NRXN1: variants seen among roughly 807,000 people sequenced by gnomAD.
The protein encoded by NRXN1 is neurexin-1.
In NRXN1, 39 loss-of-function variants were observed where a neutral mutation model predicts 150.9. The observed-to-expected ratio is 0.26, with a 90% CI of 0.20 to 0.34. The LOEUF is 0.34. Among genes scored for constraint, NRXN1 ranks in the 10% least tolerant of loss-of-function variants. The pLI is 1.00. For synonymous variants in NRXN1, 924 were observed against 757.0 expected, an observed-to-expected ratio of 1.22 and a Z score of -3.62; for missense variants, 1,815 against 1,949.9, an observed-to-expected ratio of 0.93 and a Z score of 1.30.
chr2:50,037,440 G>A (rs1690213188), intron 21 of NRXN1, among the ~76,000 whole-genome samples: 1 of 151,786 alleles, frequency 6.6e-6, no homozygotes, highest in Non-Finnish European at 1.5e-5. Context: ...CTTACTCCCT[G>A]GAATAAATTG....
intron 18 of NRXN1, among the ~76,000 whole-genome samples, chr2:50,154,986 T>A (rs1240838353): frequency 6.6e-6 from 1 of 151,638 alleles, no homozygotes; most frequent in Non-Finnish European, 1.5e-5. Context: ...AATAAAAGTA[T>A]AAAATCATTC....
intron 8 of NRXN1, among the ~76,000 whole-genome samples, chr2:50,612,361 A>G (rs1678303328): frequency 6.6e-6 from 1 of 152,176 alleles, no homozygotes; most frequent in Non-Finnish European, 1.5e-5. Flanking sequence ...AATACCAGAA[A>G]TCCACCAAAA....
intron 17 of NRXN1, among the ~76,000 whole-genome samples, chr2:50,340,004 T>A (rs2077444524): frequency 6.6e-6 from 1 of 152,208 alleles, no homozygotes; most frequent in Non-Finnish European, 1.5e-5. Context: ...TGTTTGTTAG[T>A]CTTTTCCAAA....
chr2:50,521,107 G>A (rs2092776493), intron 12 of NRXN1, among the ~76,000 whole-genome samples: 1 of 152,082 alleles, frequency 6.6e-6, no homozygotes, highest in African/African-American at 2.4e-5. Flanking sequence ...AAAGCTGGTT[G>A]ATTTCTCCAT....
intron 5 of NRXN1, among the ~76,000 whole-genome samples, chr2:50,711,329 C>CTTTTT (rs765521627): frequency 5.6e-5 from 5 of 89,872 alleles, no homozygotes; most frequent in Non-Finnish European, 6.6e-5. Flanking sequence ...AGGTACTGGA[C>CTTTTT]TTTTTTTTTT....
intron 17 of NRXN1, among the ~76,000 whole-genome samples, chr2:50,379,395 G>A (rs2080778095): frequency 6.6e-6 from 1 of 152,186 alleles, no homozygotes; most frequent in South Asian, 2.1e-4. Context: ...AATAATAACA[G>A]TGAAACAGAC....
intron 17 of NRXN1, among the ~76,000 whole-genome samples, chr2:50,422,717 C>T (rs1258729833): frequency 3.3e-5 from 5 of 152,132 alleles, no homozygotes; most frequent in Non-Finnish European, 7.4e-5. Flanking sequence ...TGTGCTATTT[C>T]TCAGAGAATT....
intron 18 of NRXN1, among the ~76,000 whole-genome samples, chr2:50,107,586 T>A (rs1358423342): frequency 7.3e-6 from 1 of 137,496 alleles, no homozygotes; most frequent in Non-Finnish European, 1.6e-5. Context: ...GATACATCAA[T>A]GGATTGTAAG....
Position 50,053,437 on chromosome 2 carries a change from A to T in NRXN1, c.3962T>A (p.Val1321Glu). ...AAENDANIAIVGNVRLVGEVP... is the reference protein window; with the variant it reads ...AAENDANIAIEGNVRLVGEVP... ...TTCACCAACCAGTCTCACATTTCCC[A>T]CTATGGCGATGTTGGCATCGTTTTC... Residue 1321 changes from valine (V) to glutamate (E), a missense_variant, in exon 21 of 23, where the codon GTG becomes GAG. Coordinates refer to ENST00000401669, the MANE Select transcript of NRXN1 (RefSeq NM_001330078.2). 6.2e-7 allele frequency: 1 copy of T among 1,613,910 alleles called. No homozygotes were observed. The highest frequency in any genetic ancestry group is 8.5e-7 in the Non-Finnish European group (1 of 1,179,900).
intron 5 of NRXN1, among the ~76,000 whole-genome samples, chr2:50,862,630 C>T (rs1217647544): frequency 2.6e-5 from 4 of 152,064 alleles, no homozygotes; most frequent in Non-Finnish European, 4.4e-5. Flanking sequence ...CAGGTTCTTC[C>T]TCTGTAAAAA....
intron 18 of NRXN1, among the ~76,000 whole-genome samples, chr2:50,210,278 T>C (rs1177149334): frequency 1.3e-5 from 2 of 151,910 alleles, no homozygotes; most frequent in Non-Finnish European, 2.9e-5. Flanking sequence ...GCACTGTGTT[T>C]GGTTTATTCA....
intron 18 of NRXN1, chr2:50,207,541 T>C: frequency 6.3e-6 from 1 of 158,156 alleles, no homozygotes; most frequent in East Asian, 1.9e-4. Flanking sequence ...CTCTTACCAA[T>C]AAGGAAACAG....
chr2:50,555,416 G>A (rs568417931), intron 8 of NRXN1, among the ~76,000 whole-genome samples: 1 of 152,216 alleles, frequency 6.6e-6, no homozygotes, highest in Non-Finnish European at 1.5e-5. Flanking sequence ...TGAATCAGGT[G>A]ACTTGGTGAT....
At chr2:50,246,880 C>A (rs1199241603) in intron 17 of NRXN1, among the ~76,000 whole-genome samples, 9 of 152,016 alleles carry the variant, frequency 5.9e-5, no homozygotes. Flanking sequence ...AAAAAGTATG[C>A]ATCCTGAAGA....
chr2:50,479,724 G>C (rs764278922), intron 15 of NRXN1, among the ~76,000 whole-genome samples: 5 of 132,888 alleles, frequency 3.8e-5, no homozygotes, highest in Non-Finnish European at 8.1e-5. Flanking sequence ...AATGAATTAA[G>C]TTAATTGTGG....
intron 21 of NRXN1, among the ~76,000 whole-genome samples, chr2:49,949,060 C>G (rs1248589292): frequency 6.6e-6 from 1 of 151,902 alleles, no homozygotes; most frequent in African/African-American, 2.4e-5. Context: ...GAACAGAATT[C>G]AAGAAATAAA....
At chr2:50,412,897 T>C (rs2083289837) in intron 17 of NRXN1, among the ~76,000 whole-genome samples, 1 of 152,222 alleles carries the variant, frequency 6.6e-6, no homozygotes. Flanking sequence ...AGAACGAAGC[T>C]AGACCCCAAT....
intron 5 of NRXN1, among the ~76,000 whole-genome samples, chr2:50,685,766 T>C (rs756182614): frequency 6.6e-6 from 1 of 152,142 alleles, no homozygotes; most frequent in Non-Finnish European, 1.5e-5. Flanking sequence ...ATGTTCTTAT[T>C]TTGAACCTAA....
At chr2:50,139,217 T>C (rs931294955) in intron 18 of NRXN1, among the ~76,000 whole-genome samples, 2 of 151,736 alleles carry the variant, frequency 1.3e-5, no homozygotes, top group Non-Finnish European at 2.9e-5. Flanking sequence ...TCCCAGCTAC[T>C]TGGGAGGCCG....
Sources: gnomAD v4.1 joint callset for allele counts (sites outside exome capture counted in the v4.1 genomes callset) on GRCh38, gnomAD v4.1.1 for gene constraint, MANE v1.5 for transcripts, NCBI Gene and HGNC (gene_info 2026-07-23, HGNC 2026-07-21) for gene names.